TPR: variants seen among roughly 807,000 people sequenced by gnomAD.
TPR encodes the protein nucleoprotein TPR.
Under a neutral mutation model 316.1 loss-of-function variants are expected in TPR, and 51 were observed. The observed-to-expected ratio is 0.16, with a 90% CI of 0.13 to 0.20. The LOEUF is 0.20. TPR is among the 10% of genes least tolerant of loss of function. The pLI, the probability that TPR is intolerant of heterozygous loss-of-function variation, is 1.00. For missense variants in TPR, 2,272 were observed against 2,754.8 expected (o/e 0.82, Z 3.92); for synonymous variants, 981 against 914.7 (o/e 1.07, Z -1.31).
chr1:186,329,862 C>T (rs1658106976), intron 39 of TPR, among the ~76,000 whole-genome samples: 2 of 152,066 alleles, frequency 1.3e-5, no homozygotes, highest in Admixed American at 6.6e-5. Flanking sequence ...ATAAGATGAT[C>T]CAGAAAGTTT....
chr1:186,331,374 G>C (rs1658161294), intron 39 of TPR, 124 bp downstream of exon 39: 5 of 611,286 alleles, frequency 8.2e-6, no homozygotes, highest in South Asian at 7.1e-5. Context: ...AATTCTAGTA[G>C]TATTTCATTA....
In TPR at chr1:186,326,141, G is replaced by A. The variant is rs754485464; in HGVS notation, c.5984C>T (p.Ala1995Val). 6.2e-7 allele frequency: 1 copy of A among 1,612,972 alleles called. No individual in the cohort carries two copies. Among genetic ancestry groups the A allele is most frequent in the Admixed American group, 1.7e-5 (1 of 59,968 alleles). ...AGCTTCATAACCATCATTGCCATCG[G>A]CACTACCAGTTCCTTCATTACTATC... is the stretch of plus-strand genomic sequence containing the variant. ...GEDSNEGTGS[A>V]DGNDGYEADD... is the part of the protein sequence containing the mutation. Residue 1995 changes from alanine (A) to valine (V), a missense_variant, in exon 41 of 51, where the codon GCC (alanine) becomes GTC (valine). Coordinates refer to ENST00000367478, the MANE Select transcript of TPR (RefSeq NM_003292.3).
chr1:186,344,025 A>G lies in TPR; in HGVS notation c.3483T>C (p.Asp1161=). The G allele has an allele frequency of 6.2e-7, 1 of 1,614,168 alleles. No individual in the cohort carries two copies. Among genetic ancestry groups the G allele is most frequent in the South Asian group, 1.1e-5 (1 of 91,080 alleles). Residue 1161 remains aspartate (D), a synonymous_variant, in exon 26 of 51, where the codon GAT becomes GAC. Transcript: ENST00000367478. ...DLEKQNRLLH[D]QIEKLSDKVV... ...CCTTGTCACTTAATTTTTCGATCTG[A>G]TCATGAAGTAATCTGTTTTGTTTCT...
chr1:186,356,700 A>G (rs1659038646), intron 14 of TPR, among the ~76,000 whole-genome samples: 1 of 152,184 alleles, frequency 6.6e-6, no homozygotes, highest in Non-Finnish European at 1.5e-5. Flanking sequence ...CACTCACTCC[A>G]AACTCTAGTC....
chr1:186,349,066 T>C (rs1192874032), intron 21 of TPR, among the ~76,000 whole-genome samples: 1 of 152,146 alleles, frequency 6.6e-6, no homozygotes, highest in African/African-American at 2.4e-5. Context: ...CTATCATGAG[T>C]TGAAAATGCA....
chr1:186,354,282 T>A (rs1658957504), intron 17 of TPR, among the ~76,000 whole-genome samples: 1 of 152,206 alleles, frequency 6.6e-6, no homozygotes, highest in Non-Finnish European at 1.5e-5. Flanking sequence ...GCTAAGTAAC[T>A]TTTTAATCTT....
At chr1:186,325,229 A>G (rs1657885831) in intron 42 of TPR, among the ~76,000 whole-genome samples, 1 of 152,186 alleles carries the variant, frequency 6.6e-6, no homozygotes, top group African/African-American at 2.4e-5. Flanking sequence ...TAATTATTTA[A>G]TACACATTTC....
At chr1:186,322,647 C>T (rs993161008) in intron 43 of TPR, 61 bp from the exon 44 acceptor site, 10 of 1,497,826 alleles carry the variant, frequency 6.7e-6, no homozygotes, top group Non-Finnish European at 8.4e-6. Context: ...AAACAAACAC[C>T]AAATATCAAC....
chr1:186,346,218 C>T lies in TPR; in HGVS notation c.3013G>A (p.Glu1005Lys). 1.2e-6 allele frequency: 2 copies of T among 1,613,288 alleles called. No homozygotes were observed. Among genetic ancestry groups the T allele is most frequent in the Non-Finnish European group, 1.7e-6 (2 of 1,179,678 alleles). The change falls in exon 23 of 51, where the codon GAA (glutamate) becomes AAA (lysine). Residue 1005 changes from glutamate to lysine, a missense_variant. Around this residue, in one of 10 missense-constraint regions of TPR, gnomAD observed 757 missense variants for 859.8 expected, o/e 0.88. Transcript: ENST00000367478. ...TTCTCTACTTCCATCAACTTCTTTT[C>T]CAACTGTGTCTGAAATTCAGCTGAC... ...KESAEFQTQL[E>K]KKLMEVEKEK...
In TPR at chr1:186,314,660, A is replaced by C; in HGVS notation, c.7005T>G (p.Gly2335=). Residue 2335 remains glycine (G), a synonymous_variant, in exon 50 of 51, where the codon GGT becomes GGG. Coordinates refer to ENST00000367478, the MANE Select transcript of TPR (RefSeq NM_003292.3). ...RVRLQTTLRQ[G]VRGRQFNRQR... ...GTCTGTTAAACTGACGACCACGGAC[A>C]CCTTGTCTCAATGTTGTCTGAAGTC... is the stretch of plus-strand genomic sequence containing the variant. 1 of 1,612,724 alleles carries C rather than the reference A, an allele frequency of 6.2e-7. No individual in the cohort carries two copies. The highest frequency in any genetic ancestry group is 8.5e-7 in the Non-Finnish European group (1 of 1,179,194).
chr1:186,333,848 T>C (rs1658254533), intron 36 of TPR, among the ~76,000 whole-genome samples: 1 of 152,136 alleles, frequency 6.6e-6, no homozygotes, highest in Non-Finnish European at 1.5e-5. Flanking sequence ...TTTGTCAAGA[T>C]AAGAATCTAA....
intron 39 of TPR, among the ~76,000 whole-genome samples, chr1:186,329,015 A>G (rs1050969834): frequency 8.5e-5 from 13 of 152,206 alleles, no homozygotes; most frequent in Non-Finnish European, 1.8e-4. Flanking sequence ...TATAATTTAA[A>G]AAGTGCCTCA....
chr1:186,340,228 G>A (rs1218873734), intron 29 of TPR, among the ~76,000 whole-genome samples: 1 of 152,092 alleles, frequency 6.6e-6, no homozygotes, highest in Non-Finnish European at 1.5e-5. Flanking sequence ...AGGTGATAAG[G>A]GAAAACTAAA....
intron 21 of TPR, among the ~76,000 whole-genome samples, chr1:186,349,238 GAACA>G (rs1658772726): frequency 6.6e-6 from 1 of 152,184 alleles, no homozygotes; most frequent in African/African-American, 2.4e-5. Context: ...GTAATTTACT[GAACA>G]AATACTATAC....
intron 17 of TPR, 152 bp downstream of exon 17, chr1:186,355,258 A>T: frequency 1.2e-6 from 1 of 815,914 alleles, no homozygotes. Context: ...TCATTAATCA[A>T]TATGAAAAAA....
At chr1:186,341,501 A>C (rs977790935) in intron 27 of TPR, 112 bp from the exon 28 acceptor site, 20 of 1,185,814 alleles carry the variant, frequency 1.7e-5, no homozygotes, top group Admixed American at 1.6e-4. Flanking sequence ...TTAAGTTTCA[A>C]CTTTTAGAAC....
rs1437054110 is a variant in TPR at position 186,346,121 on chromosome 1, G to A, written c.3096+14C>T. 1 of 1,581,920 alleles carries A rather than the reference G, an allele frequency of 6.3e-7. No homozygotes were observed. Among genetic ancestry groups the A allele is most frequent in the South Asian group, 1.2e-5 (1 of 84,318 alleles). On this transcript the variant is annotated intron_variant, in intron 23 of 50. Transcript: ENST00000367478. Reference sequence around the variant, plus strand: ...ACAAGTTAAAAAAAAAATTAATACGGTTAACCTATTTACCTGTTGTTCCAT... The same window carrying A: ...ACAAGTTAAAAAAAAAATTAATACGATTAACCTATTTACCTGTTGTTCCAT...
rs1257726104 is a variant in TPR, at chr1:186,323,513, C to T, written c.6297+173G>A. Among the ~76,000 whole-genome samples the T allele has an allele frequency of 7.9e-5, 12 of 152,064 alleles. 1 individual carries two copies. Among genetic ancestry groups the T allele is most frequent in the African/African-American group, 2.9e-4 (12 of 41,396 alleles). ...AACACTTGCCTTTCTAAACATCCCTCAGAGATTAGTTTTAGTTCAAAGAAT... is the reference window on the plus strand; with the variant it reads ...AACACTTGCCTTTCTAAACATCCCTTAGAGATTAGTTTTAGTTCAAAGAAT... On this transcript the variant is annotated intron_variant, in intron 43 of 50. Transcript: ENST00000367478.
Position 186,318,607 on chromosome 1 carries a change from TAAAAA to T in TPR, c.6665-9_6665-5del. The T allele has an allele frequency of 6.2e-7, 1 of 1,606,088 alleles. No homozygotes were observed. ...GTGCTCTCAGTAAATACAGTCACTTTAAAAAGACAACACAAGAAAAAGAACTTTAA... is the reference window on the plus strand; with the variant it reads ...GTGCTCTCAGTAAATACAGTCACTTTGACAACACAAGAAAAAGAACTTTAA... On this transcript the variant is annotated splice_polypyrimidine_tract_variant and splice_region_variant and intron_variant, in intron 47 of 50. Transcript: ENST00000367478.
Sources: allele counts gnomAD v4.1 joint callset (sites outside exome capture counted in the v4.1 genomes callset), GRCh38; gene constraint gnomAD v4.1.1; regional missense constraint gnomAD v4.1.1; transcripts MANE v1.5; gene names NCBI Gene and HGNC (gene_info 2026-07-23, HGNC 2026-07-21).